UNC13C: variants seen among roughly 807,000 people sequenced by gnomAD.
UNC13C encodes the protein unc-13 homolog C.
UNC13C carries 174 observed loss-of-function variants against 245.4 expected under a neutral mutation model. The observed-to-expected ratio is 0.71, with a 90% CI of 0.63 to 0.80. UNC13C has a LOEUF of 0.80. UNC13C is among the 30% of genes least tolerant of loss of function. The pLI is 0.00. For missense variants in UNC13C, 2,829 were observed against 2,602.9 expected (o/e 1.09, Z -1.89); for synonymous variants, 992 against 895.1 (o/e 1.11, Z -1.93).
At chr15:54,051,533 T>G (rs1194485743) in intron 2 of UNC13C, among the ~76,000 whole-genome samples, 1 of 152,294 alleles carries the variant, frequency 6.6e-6, no homozygotes, top group Non-Finnish European at 1.5e-5. Context: ...TAGTACATAT[T>G]TCAGTATCTG....
At chr15:54,075,020 G>A (rs770119851) in intron 2 of UNC13C, among the ~76,000 whole-genome samples, 10 of 152,124 alleles carry the variant, frequency 6.6e-5, no homozygotes, top group Non-Finnish European at 1.3e-4. Flanking sequence ...CATCAATATC[G>A]TGTAGTTGGA....
chr15:54,040,621 T>G (rs1896771178), intron 2 of UNC13C, among the ~76,000 whole-genome samples: 1 of 152,164 alleles, frequency 6.6e-6, no homozygotes, highest in Non-Finnish European at 1.5e-5. Context: ...GAGTTTTGCT[T>G]CCAGGGCTAT....
intron 32 of UNC13C, among the ~76,000 whole-genome samples, chr15:54,625,640 G>A (rs940127916): frequency 5.3e-5 from 8 of 152,022 alleles, no homozygotes; most frequent in Non-Finnish European, 1.0e-4. Flanking sequence ...TCTCTTACAG[G>A]TTTTTTGTTC....
the UNC13C span, chr15:53,911,697 G>A: frequency 2.0e-5 from 3 of 152,246 alleles, no homozygotes; most frequent in African/African-American, 7.2e-5. Context: ...CGGACTGTTT[G>A]GAATGATGCC....
At position 54,552,456 on chromosome 15, in the gene UNC13C, A is replaced by AT. The variant is rs1224274331; in HGVS notation, c.5877+2765_5877+2766insT. ...AATTATATATTACAATATATAATAT[A>AT]ATTATATATTACAATATATAATATA... On this transcript the variant is annotated intron_variant, in intron 28 of 32. Coordinates refer to ENST00000260323, the MANE Select transcript of UNC13C (RefSeq NM_001080534.3). 8.0e-3 allele frequency among the ~76,000 whole-genome samples: 374 copies of AT among 47,018 alleles called. 17 individuals are homozygous for AT. The highest frequency in any genetic ancestry group is 0.011 in the Admixed American group (26 of 2,438). 30.8% of individuals were successfully genotyped at this position (47,018 alleles called of 152,430 possible).
chr15:54,194,002 A>T (rs867786253), intron 4 of UNC13C, among the ~76,000 whole-genome samples: 1 of 152,184 alleles, frequency 6.6e-6, no homozygotes, highest in African/African-American at 2.4e-5. Context: ...TGTAGTCCAA[A>T]TGCAGTGAAC....
chr15:54,577,949 T>C (rs1389265709), intron 30 of UNC13C, among the ~76,000 whole-genome samples: 2 of 152,152 alleles, frequency 1.3e-5, no homozygotes. Context: ...TAATCCTCTT[T>C]GGAGTGAGAG....
At chr15:54,553,051 T>C (rs1896907798) in intron 28 of UNC13C, among the ~76,000 whole-genome samples, 1 of 42,468 alleles carries the variant, frequency 2.4e-5, no homozygotes, top group African/African-American at 8.3e-5. Flanking sequence ...TATTGTATTC[T>C]ATATTACAAT....
At chr15:53,856,963 TG>T in the UNC13C span, among the ~76,000 whole-genome samples, 3 of 152,192 alleles carry the variant, frequency 2.0e-5, no homozygotes, top group Non-Finnish European at 4.4e-5. Context: ...TGGGTGCTCC[TG>T]TATTGGGTGC....
At chr15:53,933,162 A>C in the UNC13C span, among the ~76,000 whole-genome samples, 14 of 152,288 alleles carry the variant, frequency 9.2e-5, no homozygotes, top group African/African-American at 3.4e-4. Context: ...CAGCCTGGAC[A>C]ATTAGGATAG....
intron 4 of UNC13C, among the ~76,000 whole-genome samples, chr15:54,161,474 A>G (rs1175828287): frequency 6.6e-6 from 1 of 152,130 alleles, no homozygotes; most frequent in Admixed American, 6.5e-5. Flanking sequence ...CAATTTAAAT[A>G]TTTATTAATT....
chr15:54,166,395 C>T (rs922293916), intron 4 of UNC13C, among the ~76,000 whole-genome samples: 3 of 152,042 alleles, frequency 2.0e-5, no homozygotes, highest in African/African-American at 7.2e-5. Flanking sequence ...AAATTTTTAA[C>T]ATTTTTATTA....
intron 4 of UNC13C, among the ~76,000 whole-genome samples, chr15:54,147,421 A>C (rs1041038871): frequency 6.6e-6 from 1 of 151,920 alleles, no homozygotes; most frequent in Non-Finnish European, 1.5e-5. Flanking sequence ...GGGTTTCACC[A>C]TGTTAGCCAG....
intron 19 of UNC13C, among the ~76,000 whole-genome samples, chr15:54,423,324 T>C (rs2040692039): frequency 6.6e-6 from 1 of 151,786 alleles, no homozygotes; most frequent in Non-Finnish European, 1.5e-5. Flanking sequence ...TAATTGAATA[T>C]TTTGAAAATA....
At chr15:54,379,237 A>G (rs150027183) in intron 17 of UNC13C, among the ~76,000 whole-genome samples, 3 of 152,222 alleles carry the variant, frequency 2.0e-5, no homozygotes, top group East Asian at 3.9e-4. Context: ...ATGAAAGTCT[A>G]TCAACAGCTA....
At chr15:54,204,059 A>G (rs1400351497) in intron 4 of UNC13C, among the ~76,000 whole-genome samples, 1 of 151,796 alleles carries the variant, frequency 6.6e-6, no homozygotes, top group South Asian at 2.1e-4. Context: ...AAAACCAAAC[A>G]TTGTATGTTC....
chr15:54,250,370 G>C lies in UNC13C; in HGVS notation c.3374G>C (p.Gly1125Ala). 6.2e-7 allele frequency: 1 copy of C among 1,613,960 alleles called. No individual in the cohort carries two copies. The highest frequency in any genetic ancestry group is 8.5e-7 in the Non-Finnish European group (1 of 1,179,880). Reference sequence around the variant, plus strand: ...CTCCTGTGGGGCATTGCAAGGCAAGGCATGAAGTGTCTGGAGTGTGGAGTG... The same window carrying C: ...CTCCTGTGGGGCATTGCAAGGCAAGCCATGAAGTGTCTGGAGTGTGGAGTG... ...EGLLWGIARQ[G>A]MKCLECGVKC... Residue 1125 changes from glycine to alanine, a missense_variant, in exon 8 of 33, where the codon GGC becomes GCC. Gly to Ala is a moderately conservative substitution (Grantham distance 60, BLOSUM62 0). Transcript: ENST00000260323.
intron 10 of UNC13C, among the ~76,000 whole-genome samples, chr15:54,282,871 G>T (rs2037035822): frequency 6.6e-6 from 1 of 152,144 alleles, no homozygotes; most frequent in South Asian, 2.1e-4. Flanking sequence ...GAGTCTCATT[G>T]TCTCTCCCTC....
At chr15:54,211,502 A>C (rs1264595999) in intron 4 of UNC13C, among the ~76,000 whole-genome samples, 1 of 152,086 alleles carries the variant, frequency 6.6e-6, no homozygotes, top group African/African-American at 2.4e-5. Context: ...TTATCCTACT[A>C]TGACCAGTTT....
Sources: gnomAD v4.1 joint callset for allele counts (sites outside exome capture counted in the v4.1 genomes callset) on GRCh38, gnomAD v4.1.1 for gene constraint, MANE v1.5 for transcripts, NCBI Gene and HGNC (gene_info 2026-07-23, HGNC 2026-07-21) for gene names.